The following STAB2 variants were observed in gnomAD, a reference collection of about 807,000 sequenced individuals.
STAB2 encodes the protein stabilin 2.
Under a neutral mutation model 338.1 loss-of-function variants are expected in STAB2, and 288 were observed. That is an observed-to-expected ratio of 0.85 (90% CI 0.77 to 0.94). STAB2 has a LOEUF of 0.94. STAB2 is among the 40% of genes least tolerant of loss of function. The pLI is 0.00. For missense variants in STAB2, 3,141 were observed against 3,210.1 expected (o/e 0.98, Z 0.52); for synonymous variants, 1,202 against 1,193.3 (o/e 1.01, Z -0.15).
At position 103,761,370 on chromosome 12, in the gene STAB2, A is replaced by G; in HGVS notation, c.7319A>G (p.His2440Arg). 2 of 1,613,916 alleles carry G rather than the reference A, an allele frequency of 1.2e-6. No individual in the cohort carries two copies. The highest frequency in any genetic ancestry group is 1.1e-5 in the South Asian group (1 of 91,072). ...WDIFASNGII[H>R]VISRPLKAPP... is the part of the protein sequence containing the mutation. ...ATCTTTGCCTCCAATGGGATCATTC[A>G]TGTCATTTCCAGGCCTTTAAAAGCA... The change falls in exon 66 of 69, where the codon CAT becomes CGT. Residue 2440 changes from histidine to arginine, a missense_variant. Transcript: ENST00000388887.
chr12:103,657,174 C>T (rs1874253105), intron 15 of STAB2, among the ~76,000 whole-genome samples: 1 of 144,548 alleles, frequency 6.9e-6, no homozygotes, highest in African/African-American at 2.6e-5. Context: ...CTAGCTATTG[C>T]AGAAAACTGC....
At chr12:103,679,528 G>A (rs760486537) in intron 25 of STAB2, among the ~76,000 whole-genome samples, 5 of 152,032 alleles carry the variant, frequency 3.3e-5, no homozygotes, top group South Asian at 2.1e-4. Flanking sequence ...AATCCTCAAC[G>A]TTGACATGTC....
intron 15 of STAB2, among the ~76,000 whole-genome samples, chr12:103,655,970 G>A (rs1174480619): frequency 6.6e-6 from 1 of 152,158 alleles, no homozygotes; most frequent in Non-Finnish European, 1.5e-5. Flanking sequence ...GCCATTCAGG[G>A]CCAGGTCTAG....
intron 18 of STAB2, among the ~76,000 whole-genome samples, chr12:103,666,051 T>C (rs1593201071): frequency 6.6e-6 from 1 of 152,190 alleles, no homozygotes; most frequent in Non-Finnish European, 1.5e-5. Context: ...AAAAGGGGGC[T>C]GCTCTGAGCA....
intron 33 of STAB2, among the ~76,000 whole-genome samples, chr12:103,696,912 C>G (rs1025490391): frequency 6.6e-6 from 1 of 152,068 alleles, no homozygotes; most frequent in African/African-American, 2.4e-5. Flanking sequence ...ATGGGAGAGT[C>G]TCTGTGTGAG....
chr12:103,735,745 C>A (rs1946821), intron 52 of STAB2, among the ~76,000 whole-genome samples, 165 bp downstream of exon 52: 89,730 of 151,988 alleles, frequency 0.59, 27,021 homozygotes, highest in East Asian at 0.79. Context: ...GAGACTGCGT[C>A]ATTGGATATG....
At position 103,676,023 on chromosome 12, in the gene STAB2, T is replaced by TG. The variant is rs1253588988; in HGVS notation, c.2646+3dup. 5 of 1,593,920 alleles carry TG rather than the reference T, an allele frequency of 3.1e-6. No homozygotes were observed. The highest frequency in any genetic ancestry group is 1.4e-5 in the African/African-American group (1 of 73,298). On this transcript the variant is annotated splice_region_variant and intron_variant, in intron 24 of 68. Coordinates refer to ENST00000388887, the MANE Select transcript of STAB2 (RefSeq NM_017564.10). ...ACTCCAGGAGGCTGTAGCCGCAATG[T>TG]GAGTACTGGTCTTCATTTCCACCCT...
intron 19 of STAB2, among the ~76,000 whole-genome samples, chr12:103,667,435 C>T (rs1446499769): frequency 3.3e-5 from 5 of 152,136 alleles, no homozygotes; most frequent in Non-Finnish European, 5.9e-5. Flanking sequence ...GGCAAGGAAA[C>T]GTAAACCACC....
intron 40 of STAB2, among the ~76,000 whole-genome samples, chr12:103,711,778 C>T (rs1276853843): frequency 6.6e-6 from 1 of 152,218 alleles, no homozygotes; most frequent in Admixed American, 6.5e-5. Context: ...GCTACCAGGA[C>T]TCATGGAGAC....
rs779106489 is a variant in STAB2, at chr12:103,708,477, C to A, written c.4229C>A (p.Pro1410His). The A allele has an allele frequency of 5.0e-6, 8 of 1,614,014 alleles. No individual in the cohort carries two copies. Among genetic ancestry groups the A allele is most frequent in the Non-Finnish European group, 6.8e-6 (8 of 1,179,956 alleles). Reference protein sequence around the residue: ...SCVHGRCNQGPLGDGSCDCDV... With the variant: ...SCVHGRCNQGHLGDGSCDCDV... ...GTCCATGGGAGATGCAACCAAGGAC[C>A]CTTGGGAGATGGCTCCTGTGACTGT... The change falls in exon 39 of 69, where the codon CCC becomes CAC. Residue 1410 changes from proline (P) to histidine (H), a missense_variant. Coordinates refer to ENST00000388887, the MANE Select transcript of STAB2 (RefSeq NM_017564.10).
chr12:103,679,730 A>G (rs1424797566), intron 25 of STAB2, among the ~76,000 whole-genome samples: 1 of 152,208 alleles, frequency 6.6e-6, no homozygotes, highest in Non-Finnish European at 1.5e-5. Flanking sequence ...ATTCCCCCAA[A>G]AAATTAAAAA....
intron 57 of STAB2, among the ~76,000 whole-genome samples, chr12:103,745,533 C>T (rs959408059): frequency 1.3e-5 from 2 of 152,186 alleles, no homozygotes; most frequent in Non-Finnish European, 2.9e-5. Flanking sequence ...CCACCTCAAG[C>T]ACAGAATCCC....
Position 103,766,389 on chromosome 12 carries a change from T to C in STAB2, c.*53T>C. 1 of 1,564,092 alleles carries C rather than the reference T, an allele frequency of 6.4e-7. No homozygotes were observed. The highest frequency in any genetic ancestry group is 8.7e-7 in the Non-Finnish European group (1 of 1,153,954). On this transcript the variant is annotated 3_prime_UTR_variant, in exon 69 of 69. Transcript: ENST00000388887. Reference sequence around the variant, plus strand: ...ACTCACTGCCACCTGGGCCATCAACTGTGAATTCTCAGCACCAGTTGCCTT... The same window carrying C: ...ACTCACTGCCACCTGGGCCATCAACCGTGAATTCTCAGCACCAGTTGCCTT...
At chr12:103,728,023 A>C (rs903954227) in intron 47 of STAB2, among the ~76,000 whole-genome samples, 1 of 152,210 alleles carries the variant, frequency 6.6e-6, no homozygotes, top group Admixed American at 6.5e-5. Context: ...GGACACCAGC[A>C]AAGCAGAGGC....
In STAB2 at chr12:103,653,836, A is replaced by ATGGG. The variant is rs1217438338; in HGVS notation, c.1408-715_1408-712dup. On this transcript the variant is annotated intron_variant, in intron 12 of 68. Coordinates refer to ENST00000388887, the MANE Select transcript of STAB2 (RefSeq NM_017564.10). ...GGTAGATACATGGATAGGTCACCGG[A>ATGGG]TGGGTGGATGGATGGATGGATGGAT... Among the ~76,000 whole-genome samples, 5 of 91,578 alleles carry ATGGG rather than the reference A, an allele frequency of 5.5e-5. No individual in the cohort carries two copies. In the South Asian group the frequency reaches 1.5e-3, roughly 27 times the overall value. 60.1% of individuals were successfully genotyped at this position (91,578 alleles called of 152,430 possible).
intron 59 of STAB2, among the ~76,000 whole-genome samples, chr12:103,750,091 G>C (rs10431459): frequency 6.6e-6 from 1 of 151,864 alleles, no homozygotes; most frequent in Non-Finnish European, 1.5e-5. Context: ...TTGTTGTGGG[G>C]ATTAAAGGAG....
chr12:103,667,319 T>A (rs1593202902), intron 19 of STAB2, among the ~76,000 whole-genome samples: 1 of 152,354 alleles, frequency 6.6e-6, no homozygotes, highest in East Asian at 1.9e-4. Flanking sequence ...TGTTGGCTGG[T>A]GTCACAGTGA....
chr12:103,752,119 T>A (rs1475565760), intron 60 of STAB2, among the ~76,000 whole-genome samples: 1 of 152,106 alleles, frequency 6.6e-6, no homozygotes, highest in Non-Finnish European at 1.5e-5. Context: ...ACAGAAATAA[T>A]CTGAGAATTG....
chr12:103,746,574 G>A (rs372550130), intron 57 of STAB2, 23 bp from the exon 58 acceptor site: 138 of 1,611,044 alleles, frequency 8.6e-5, no homozygotes, highest in Non-Finnish European at 1.1e-4. Context: ...GGTACAGAAT[G>A]AAAGTGGCCC....
Sources: gnomAD v4.1 joint callset for allele counts (sites outside exome capture counted in the v4.1 genomes callset) on GRCh38, gnomAD v4.1.1 for gene constraint, MANE v1.5 for transcripts, NCBI Gene and HGNC (gene_info 2026-07-23, HGNC 2026-07-21) for gene names.